LARP4B: variants seen among roughly 807,000 people sequenced by gnomAD.
LARP4B encodes the protein La ribonucleoprotein 4B, also known as la-related protein 4B.
A neutral mutation model predicts 89.8 loss-of-function variants in LARP4B; 12 were observed. That is an observed-to-expected ratio of 0.13 (90% CI 0.09 to 0.22). LARP4B has a LOEUF of 0.22. Ranked by LOEUF, LARP4B falls within the 10% of genes least tolerant of loss-of-function variation. The probability of loss-of-function intolerance (pLI) is 1.00; values close to 1 mark genes in which losing one functional copy is unlikely to be tolerated. For synonymous variants in LARP4B, 367 were observed against 363.3 expected (o/e 1.01, Z -0.12); for missense variants, 757 against 947.7 (o/e 0.80, Z 2.64).
intron 3 of LARP4B, chr10:873,565 C>T (rs1835331046): frequency 3.7e-6 from 1 of 273,666 alleles, no homozygotes; most frequent in Non-Finnish European, 5.6e-6. Flanking sequence ...TTCATAAATT[C>T]CCCCAAAGGA....
At chr10:955,873 T>G in the LARP4B span, among the ~76,000 whole-genome samples, 2 of 152,188 alleles carry the variant, frequency 1.3e-5, no homozygotes, top group South Asian at 2.1e-4. The surrounding 1 kb of genome is among the most constrained non-coding windows in gnomAD (Gnocchi z 5.2). Flanking sequence ...AAACCTGGCC[T>G]TGAGTTCCTC....
chr10:931,353 C>T (rs978976354), intron 1 of LARP4B, 75 bp downstream of exon 1: 77 of 150,832 alleles, frequency 5.1e-4, no homozygotes, highest in Admixed American at 2.4e-3. Flanking sequence ...AAGATGGCGG[C>T]GCAGTGACAG....
chr10:840,116 T>C (rs1194851195), intron 7 of LARP4B, among the ~76,000 whole-genome samples: 1 of 150,332 alleles, frequency 6.7e-6, no homozygotes, highest in African/African-American at 2.5e-5. Context: ...GGGGAGGGGG[T>C]AGAGGACGCT....
chr10:893,314 A>G (rs915690146), intron 1 of LARP4B, among the ~76,000 whole-genome samples: 3 of 152,202 alleles, frequency 2.0e-5, no homozygotes, highest in African/African-American at 7.2e-5. Flanking sequence ...TATTGTATAT[A>G]TACATGCCTA....
chr10:902,584 C>A (rs1836372748), intron 1 of LARP4B, among the ~76,000 whole-genome samples: 1 of 151,858 alleles, frequency 6.6e-6, no homozygotes, highest in African/African-American at 2.4e-5. Context: ...AAGCAGGGCA[C>A]AGCTGCAGCA....
In LARP4B at chr10:905,185, G is replaced by T. The variant is rs530388850; in HGVS notation, c.-39-19425C>A. The stretch of plus-strand genomic sequence containing the variant: ...ATACTCAATCTATAGTTATAAAAAT[G>T]TCTTCCTCAAGTTATTAATACAGCC... On this transcript the variant is annotated intron_variant, in intron 1 of 17. Coordinates refer to ENST00000316157, the MANE Select transcript of LARP4B (RefSeq NM_015155.3). Among the ~76,000 whole-genome samples the T allele has an allele frequency of 3.9e-5, 6 of 152,256 alleles. No homozygotes were observed. The East Asian group carries it at 7.7e-4, about 20-fold the overall frequency.
At chr10:934,659 G>A (rs1830725112), upstream of LARP4B, among the ~76,000 whole-genome samples, 3 of 151,906 alleles carry the variant, frequency 2.0e-5, no homozygotes, top group African/African-American at 7.3e-5. Flanking sequence ...TGAGATGTGA[G>A]GTTATAACAT....
intron 3 of LARP4B, among the ~76,000 whole-genome samples, chr10:874,736 T>C (rs1016932695): frequency 6.6e-6 from 1 of 152,254 alleles, no homozygotes; most frequent in Non-Finnish European, 1.5e-5. Flanking sequence ...GTTTTACTTT[T>C]TAAAAATATT....
rs559713818 is a variant in LARP4B, at chr10:812,844, C to T, written c.*82G>A. ...TCAGACACTGCAAGCTCCTAACCAG[C>T]GGCTCGCCCTCGCACTGAGTGGGAG... On this transcript the variant is annotated 3_prime_UTR_variant, in exon 18 of 18. Coordinates refer to ENST00000316157, the MANE Select transcript of LARP4B (RefSeq NM_015155.3). 120 of 1,286,892 alleles carry T rather than the reference C, an allele frequency of 9.3e-5. No individual in the cohort carries two copies. The East Asian group carries it at 1.7e-3, about 19-fold the overall frequency. The allele number at this position is 1,286,892 out of a possible 1,614,324, so 79.7% of individuals were successfully genotyped here.
intron 1 of LARP4B, among the ~76,000 whole-genome samples, chr10:907,712 T>G (rs572629761): frequency 6.6e-6 from 1 of 152,320 alleles, no homozygotes; most frequent in East Asian, 1.9e-4. Context: ...AATAAATGTC[T>G]TTTTGTATAC....
At chr10:929,736 G>A (rs989741580) in intron 1 of LARP4B, among the ~76,000 whole-genome samples, 1 of 151,944 alleles carries the variant, frequency 6.6e-6, no homozygotes, top group African/African-American at 2.4e-5. Context: ...GCAACACGAG[G>A]GTAACTTCTA....
intron 1 of LARP4B, among the ~76,000 whole-genome samples, chr10:900,684 A>G (rs1836317185): frequency 6.7e-6 from 1 of 148,484 alleles, no homozygotes; most frequent in Admixed American, 6.8e-5. Context: ...CAGTGGCACA[A>G]TCTCAGCTCA....
At chr10:836,822 T>C (rs1368206364) in intron 7 of LARP4B, among the ~76,000 whole-genome samples, 1 of 152,248 alleles carries the variant, frequency 6.6e-6, no homozygotes, top group African/African-American at 2.4e-5. Flanking sequence ...GTTTCATAAC[T>C]TGTTTCTGTG....
Position 812,697 on chromosome 10 carries a change from C to T in LARP4B, c.*229G>A. ...AAAAAAAATCAGACTTATGCATCAC[C>T]TCCAGTTAAGCACCAACCTAAAATA... On this transcript the variant is annotated 3_prime_UTR_variant, in exon 18 of 18. Coordinates refer to ENST00000316157, the MANE Select transcript of LARP4B (RefSeq NM_015155.3). 1 of 379,908 alleles carries T rather than the reference C, an allele frequency of 2.6e-6. No individual in the cohort carries two copies. Among genetic ancestry groups the T allele is most frequent in the Non-Finnish European group, 4.6e-6 (1 of 215,834 alleles). The allele number at this position is 379,908 out of a possible 1,614,324, so 23.5% of individuals were successfully genotyped here. A position where few individuals can be genotyped will look rare whatever the true frequency, so the allele number is the denominator to read the frequency against.
intron 14 of LARP4B, 60 bp from the exon 15 acceptor site, chr10:817,949 G>A (rs752646636): frequency 1.0e-5 from 15 of 1,496,392 alleles, no homozygotes; most frequent in Admixed American, 3.7e-5. Flanking sequence ...GCAGCTTCTC[G>A]TTTCCACACC....
At position 829,524 on chromosome 10, in the gene LARP4B, A is replaced by C; in HGVS notation, c.986T>G (p.Val329Gly). 1.2e-6 allele frequency: 2 copies of C among 1,614,230 alleles called. No individual in the cohort carries two copies. Among genetic ancestry groups the C allele is most frequent in the Non-Finnish European group, 1.7e-6 (2 of 1,180,042 alleles). Residue 329 changes from valine (V) to glycine (G), a missense_variant, in exon 11 of 18, where the codon GTG becomes GGG. Transcript: ENST00000316157. ...LPKNGFRPLD[V>G]SLYAQQRYAT... Reference sequence around the variant, plus strand: ...GTAGCGCTGCTGGGCATACAGGCTCACGTCCAGGGGTCTAAATCCATTCTT... The same window carrying C: ...GTAGCGCTGCTGGGCATACAGGCTCCCGTCCAGGGGTCTAAATCCATTCTT...
intron 8 of LARP4B, among the ~76,000 whole-genome samples, chr10:835,932 CAAA>C (rs1195702167): frequency 2.6e-5 from 3 of 113,968 alleles, no homozygotes; most frequent in Non-Finnish European, 3.7e-5. Context: ...GACTCCATCT[CAAA>C]AAAAAAAAAA....
At chr10:896,926 C>T (rs563915203) in intron 1 of LARP4B, among the ~76,000 whole-genome samples, 1 of 150,826 alleles carries the variant, frequency 6.6e-6, no homozygotes, top group East Asian at 1.9e-4. Flanking sequence ...ACAATGCCAA[C>T]AAACCCCAAA....
chr10:867,110 A>G (rs1385808814), intron 3 of LARP4B, among the ~76,000 whole-genome samples: 2 of 152,238 alleles, frequency 1.3e-5, no homozygotes, highest in East Asian at 1.9e-4. Flanking sequence ...CCCTTAACCA[A>G]TGACTACCTC....
Sources: gnomAD v4.1 joint callset for allele counts (sites outside exome capture counted in the v4.1 genomes callset) on GRCh38, gnomAD v4.1.1 for gene constraint, Gnocchi (gnomAD v3.1) non-coding constraint, MANE v1.5 for transcripts, NCBI Gene and HGNC (gene_info 2026-07-23, HGNC 2026-07-21) for gene names.